CHM: variants seen among roughly 807,000 people sequenced by gnomAD.
CHM encodes CHM Rab escort protein, also known as rab proteins geranylgeranyltransferase component A 1.
In CHM, 10 loss-of-function variants were observed where a neutral mutation model predicts 49.0. The observed-to-expected ratio is 0.20, with a 90% CI of 0.13 to 0.35. The LOEUF is 0.35. CHM is among the 10% of genes least tolerant of loss of function. CHM has a pLI of 1.00. For missense variants in CHM, 455 were observed against 478.4 expected, an observed-to-expected ratio of 0.95 and a Z score of 0.46; for synonymous variants, 184 against 167.5, an observed-to-expected ratio of 1.10 and a Z score of -0.76.
intron 1 of CHM, among the ~76,000 whole-genome samples, chrX:86,030,525 A>C (rs1933997108): frequency 1.8e-5 from 2 of 111,924 alleles, no homozygotes; most frequent in African/African-American, 6.5e-5. Context: ...GAGAGAGAAC[A>C]AACTGTGCTA....
At chrX:85,899,929 C>G (rs188944465) in intron 11 of CHM, among the ~76,000 whole-genome samples, 1 of 110,212 alleles carries the variant, frequency 9.1e-6, no homozygotes, top group Non-Finnish European at 1.9e-5. Flanking sequence ...GATGAGGATA[C>G]AGAAAAAAGC....
chrX:85,908,382 G>A (rs1453388959), intron 9 of CHM, among the ~76,000 whole-genome samples: 1 of 111,794 alleles, frequency 8.9e-6, no homozygotes, highest in Non-Finnish European at 1.9e-5. Flanking sequence ...GCTGACCTGA[G>A]CCAACTTCAG....
At chrX:85,966,742 A>G (rs1269840922) in intron 4 of CHM, among the ~76,000 whole-genome samples, 1 of 111,825 alleles carries the variant, frequency 8.9e-6, no homozygotes, top group Non-Finnish European at 1.9e-5. Context: ...AAGGATAATT[A>G]ATTACACTTT....
At chrX:85,895,687 T>TTA (rs1387476230) in intron 11 of CHM, among the ~76,000 whole-genome samples, 1 of 111,899 alleles carries the variant, frequency 8.9e-6, no homozygotes, top group Non-Finnish European at 1.9e-5. Flanking sequence ...TATCCTACTT[T>TTA]TATGTGCATT....
In CHM at chrX:85,913,332, AAAAGAAAGAAAGAAAGAAAGAAAG is replaced by A. The variant is rs541125872; in HGVS notation, c.1167-2018_1167-1995del. Among the ~76,000 whole-genome samples, 7 of 23,410 alleles carry A rather than the reference AAAAGAAAGAAAGAAAGAAAGAAAG, an allele frequency of 3.0e-4. 1 individual carries two copies. The highest frequency in any genetic ancestry group is 4.2e-3 in the South Asian group (1 of 236). 20.3% of individuals were successfully genotyped at this position (23,410 alleles called of 115,157 possible). A position where few individuals can be genotyped will look rare whatever the true frequency, so the allele number is the denominator to read the frequency against. ...CTCTGTCAAAAAAAAAAAAAAAAAA[AAAAGAAAGAAAGAAAGAAAGAAAG>A]AAAGAAAGAAAGAAAGAAAGAAAGA... On this transcript the variant is annotated intron_variant, in intron 8 of 14. Transcript: ENST00000357749.
chrX:85,881,437 T>C (rs917536950), intron 12 of CHM, among the ~76,000 whole-genome samples: 10 of 112,526 alleles, frequency 8.9e-5, no homozygotes, highest in Admixed American at 7.5e-4. Context: ...ATTTTAAGCA[T>C]GCTACAAGTA....
At chrX:86,038,945 G>A (rs6623559) in intron 1 of CHM, among the ~76,000 whole-genome samples, 4 of 112,500 alleles carry the variant, frequency 3.6e-5, no homozygotes, top group South Asian at 3.7e-4. Flanking sequence ...TCAATTGAAA[G>A]ATTCTAGCAA....
chrX:85,986,712 G>T (rs1264910452), intron 2 of CHM, among the ~76,000 whole-genome samples: 3 of 112,087 alleles, frequency 2.7e-5, no homozygotes, highest in Non-Finnish European at 5.6e-5. Flanking sequence ...CCCACAGGCA[G>T]ATATGGGAAA....
At chrX:86,037,788 G>A (rs1365943132) in intron 1 of CHM, among the ~76,000 whole-genome samples, 6 of 110,145 alleles carry the variant, frequency 5.4e-5, no homozygotes, top group South Asian at 3.9e-4. Context: ...TTTAATGAGC[G>A]GGACCTTGGA....
chrX:85,884,928 A>T (rs1924996214), intron 12 of CHM, among the ~76,000 whole-genome samples: 1 of 111,055 alleles, frequency 9.0e-6, no homozygotes, highest in Non-Finnish European at 1.9e-5. Flanking sequence ...TGACATCTAA[A>T]ACATTAAGAT....
At chrX:86,032,343 T>G (rs1400517286) in intron 1 of CHM, among the ~76,000 whole-genome samples, 1 of 111,637 alleles carries the variant, frequency 9.0e-6, no homozygotes. Context: ...ATAATACATC[T>G]CATATGGGTG....
chrX:86,036,182 T>C (rs745615252), intron 1 of CHM, among the ~76,000 whole-genome samples: 1 of 111,079 alleles, frequency 9.0e-6, no homozygotes, highest in African/African-American at 3.3e-5. Context: ...CCTGAGAACA[T>C]GTGCCCAAGG....
chrX:85,945,946 T>C (rs1929384855), intron 8 of CHM, among the ~76,000 whole-genome samples: 1 of 112,097 alleles, frequency 8.9e-6, no homozygotes, highest in Non-Finnish European at 1.9e-5. Context: ...ACCCATGTTA[T>C]GCCTAAGCAA....
intron 13 of CHM, among the ~76,000 whole-genome samples, chrX:85,874,312 TAGAG>T (rs903166709): frequency 8.9e-6 from 1 of 111,834 alleles, no homozygotes; most frequent in African/African-American, 3.2e-5. Context: ...ATTCATTGAC[TAGAG>T]AGTTTTCTTT....
intron 2 of CHM, among the ~76,000 whole-genome samples, chrX:86,016,028 G>A (rs1933284635): frequency 1.8e-5 from 2 of 110,785 alleles, no homozygotes; most frequent in South Asian, 7.8e-4. Context: ...ATCTACTCAG[G>A]AGGCTAAGGC....
chrX:85,970,345 T>G (rs1930826687), intron 4 of CHM: 1 of 744,601 alleles, frequency 1.3e-6, no homozygotes. Context: ...ATAACTACAT[T>G]ACAATACTAT....
chrX:85,943,591 C>A (rs751634970), intron 8 of CHM, among the ~76,000 whole-genome samples: 7 of 111,976 alleles, frequency 6.3e-5, no homozygotes, highest in Non-Finnish European at 1.1e-4. Flanking sequence ...CCAACTTTTT[C>A]TGGAAGCTGA....
intron 11 of CHM, among the ~76,000 whole-genome samples, chrX:85,898,721 T>C (rs917770627): frequency 6.2e-5 from 7 of 112,108 alleles, no homozygotes; most frequent in African/African-American, 2.3e-4. Flanking sequence ...GAGTAAGTAA[T>C]ATAATAGCTG....
intron 2 of CHM, 49 bp downstream of exon 2, chrX:86,027,442 T>G: frequency 9.9e-7 from 1 of 1,011,810 alleles, no homozygotes; most frequent in South Asian, 1.9e-5. Flanking sequence ...ATTTTAATCC[T>G]GTATAGAGAT....
Sources: gnomAD v4.1 joint callset for allele counts (sites outside exome capture counted in the v4.1 genomes callset) on GRCh38, gnomAD v4.1.1 for gene constraint, MANE v1.5 for transcripts, NCBI Gene and HGNC (gene_info 2026-07-23, HGNC 2026-07-21) for gene names.